The following ADGRB3 variants were observed in gnomAD, a reference collection of about 807,000 sequenced individuals.
ADGRB3 encodes the protein brain-specific angiogenesis inhibitor 3.
Under a neutral mutation model 193.4 loss-of-function variants are expected in ADGRB3, and 37 were observed. That is an observed-to-expected ratio of 0.19 (90% confidence interval 0.15 to 0.25). The LOEUF (loss-of-function observed/expected upper bound fraction) is 0.25. Among genes scored for constraint, ADGRB3 ranks in the 10% least tolerant of loss-of-function variants. The pLI is 1.00. For missense variants in ADGRB3, 1,637 were observed against 1,852.9 expected, an observed-to-expected ratio of 0.88 and a Z score of 2.14; for synonymous variants, 690 against 644.2, an observed-to-expected ratio of 1.07 and a Z score of -1.08.
intron 3 of ADGRB3, among the ~76,000 whole-genome samples, chr6:68,650,235 A>C (rs949336882): frequency 6.6e-6 from 1 of 152,224 alleles, no homozygotes; most frequent in Non-Finnish European, 1.5e-5. Context: ...CAGAGAAATA[A>C]ATAACAATGA....
intron 3 of ADGRB3, among the ~76,000 whole-genome samples, chr6:68,675,090 T>C (rs992149964): frequency 2.0e-5 from 3 of 152,146 alleles, no homozygotes; most frequent in South Asian, 4.1e-4. Flanking sequence ...AGTCCTAACA[T>C]TGATGCAGTT....
In ADGRB3 at chr6:69,018,377, G is replaced by T; in HGVS notation, c.1999-14G>T. 1 of 1,531,332 alleles carries T rather than the reference G, an allele frequency of 6.5e-7. No individual in the cohort carries two copies. The highest frequency in any genetic ancestry group is 2.3e-5 in the East Asian group (1 of 44,190). The allele number at this position is 1,531,332 out of a possible 1,614,324, so 94.9% of individuals were successfully genotyped here. On this transcript the variant is annotated splice_polypyrimidine_tract_variant and intron_variant, in intron 12 of 31. Coordinates refer to ENST00000370598, the MANE Select transcript of ADGRB3 (RefSeq NM_001704.3). ...AGATTTTTTATTCCTTCTAACCTTT[G>T]CTTATTTTTCTAGATTTATCCAGGG... is the stretch of plus-strand genomic sequence containing the variant.
intron 3 of ADGRB3, among the ~76,000 whole-genome samples, chr6:68,679,461 T>C (rs560733903): frequency 3.9e-4 from 59 of 152,244 alleles, no homozygotes; most frequent in African/African-American, 1.4e-3. Flanking sequence ...GCTCACAATT[T>C]CATTGGCAAA....
chr6:68,718,573 C>T (rs1026471636), intron 3 of ADGRB3, among the ~76,000 whole-genome samples: 2 of 151,714 alleles, frequency 1.3e-5, no homozygotes, highest in African/African-American at 2.4e-5. Context: ...ATTCCCTTCT[C>T]TCCATATTTA....
intron 15 of ADGRB3, among the ~76,000 whole-genome samples, chr6:69,060,249 T>C (rs867148641): frequency 1.4e-5 from 2 of 145,408 alleles, no homozygotes; most frequent in Non-Finnish European, 1.5e-5. Flanking sequence ...TCTCTCTCTC[T>C]CCTCCTCTGT....
chr6:68,960,475 C>G (rs1480773686), intron 8 of ADGRB3, among the ~76,000 whole-genome samples: 1 of 152,008 alleles, frequency 6.6e-6, no homozygotes, highest in African/African-American at 2.4e-5. Flanking sequence ...GGATTTGGTG[C>G]CCTATAATAT....
At chr6:69,001,471 G>C (rs577701241) in intron 11 of ADGRB3, among the ~76,000 whole-genome samples, 1 of 152,262 alleles carries the variant, frequency 6.6e-6, no homozygotes, top group East Asian at 1.9e-4. Flanking sequence ...GGTCTGAAAA[G>C]GTAAATAACA....
At chr6:69,378,023 A>G (rs1769868078) in intron 30 of ADGRB3, among the ~76,000 whole-genome samples, 1 of 152,068 alleles carries the variant, frequency 6.6e-6, no homozygotes, top group African/African-American at 2.4e-5. Flanking sequence ...TCCCTGGCCT[A>G]TATGTCTATG....
chr6:68,957,576 T>C (rs972412480), intron 8 of ADGRB3, among the ~76,000 whole-genome samples: 1 of 152,180 alleles, frequency 6.6e-6, no homozygotes, highest in African/African-American at 2.4e-5. Context: ...AAGACCCACT[T>C]AGAATCCTGT....
rs527908040 is a variant in ADGRB3, at chr6:68,692,491, A to T, written c.757+53059A>T. Among the ~76,000 whole-genome samples, 177 of 152,020 alleles carry T rather than the reference A, an allele frequency of 1.2e-3. 7 individuals are homozygous for T. The South Asian group carries it at 0.035, about 30-fold the overall frequency. On this transcript the variant is annotated intron_variant, in intron 3 of 31. Coordinates refer to ENST00000370598, the MANE Select transcript of ADGRB3 (RefSeq NM_001704.3). Reference sequence around the variant, plus strand: ...TTATAATTTTTTCCCTAATTTTAAAAAGTGAGACAATGCATTTAAATTTCT... The same window carrying T: ...TTATAATTTTTTCCCTAATTTTAAATAGTGAGACAATGCATTTAAATTTCT...
At chr6:69,013,965 A>G (rs1031462986) in intron 11 of ADGRB3, 73 bp from the exon 12 acceptor site, 2 of 1,013,240 alleles carry the variant, frequency 2.0e-6, no homozygotes, top group African/African-American at 1.6e-5. Flanking sequence ...CACGTAGTCA[A>G]CCCAAATGGG....
In ADGRB3 at chr6:68,783,017, G is replaced by A. The variant is rs571974720; in HGVS notation, c.757+143585G>A. Among the ~76,000 whole-genome samples, 36 of 151,974 alleles carry A rather than the reference G, an allele frequency of 2.4e-4. No homozygotes were observed. In the South Asian group the frequency reaches 7.1e-3, roughly 30 times the overall value. ...GACCATCATGTAAACAACAACCACTGCCATTATTGCCGCTGCTAATGCTTA... is the reference window on the plus strand; with the variant it reads ...GACCATCATGTAAACAACAACCACTACCATTATTGCCGCTGCTAATGCTTA... On this transcript the variant is annotated intron_variant, in intron 3 of 31. Transcript: ENST00000370598.
intron 15 of ADGRB3, among the ~76,000 whole-genome samples, chr6:69,056,761 G>A (rs62416782): frequency 0.077 from 11,678 of 151,988 alleles, 575 homozygotes; most frequent in African/African-American, 0.13. Flanking sequence ...ATATACATGA[G>A]GATTTATTTC....
rs1052425710 is a variant in ADGRB3 at position 68,813,723 on chromosome 6, C to T, written c.758-116836C>T. Among the ~76,000 whole-genome samples the T allele has an allele frequency of 2.6e-5, 4 of 152,108 alleles. No individual in the cohort carries two copies. In the East Asian group the frequency reaches 5.8e-4, roughly 22 times the overall value. ...CCTCCCCACTCCCCTCATCCCACAACAGGCCCCGGTGTGTGATGTTCCCCT... is the reference window on the plus strand; with the variant it reads ...CCTCCCCACTCCCCTCATCCCACAATAGGCCCCGGTGTGTGATGTTCCCCT... On this transcript the variant is annotated intron_variant, in intron 3 of 31. Coordinates refer to ENST00000370598, the MANE Select transcript of ADGRB3 (RefSeq NM_001704.3).
At chr6:68,660,608 G>T (rs893259766) in intron 3 of ADGRB3, among the ~76,000 whole-genome samples, 2 of 150,752 alleles carry the variant, frequency 1.3e-5, no homozygotes, top group South Asian at 2.1e-4. Flanking sequence ...TATATTGTAG[G>T]CTTATTTAAT....
intron 21 of ADGRB3, among the ~76,000 whole-genome samples, chr6:69,326,311 AC>A (rs1344527667): frequency 3.3e-5 from 5 of 152,202 alleles, no homozygotes; most frequent in Non-Finnish European, 1.5e-5. Flanking sequence ...AAATTTCCTG[AC>A]AAAGGCCTTC....
chr6:68,817,456 G>A (rs1767659854), intron 3 of ADGRB3, among the ~76,000 whole-genome samples: 1 of 148,128 alleles, frequency 6.8e-6, no homozygotes, highest in Non-Finnish European at 1.5e-5. Flanking sequence ...TCACATCTAA[G>A]CACTCTTTAC....
rs1428472237 is a variant in ADGRB3 at position 68,936,813 on chromosome 6, A to T, written c.1030+133A>T. 3 of 1,000,020 alleles carry T rather than the reference A, an allele frequency of 3.0e-6. No individual in the cohort carries two copies. In the Admixed American group the frequency reaches 9.9e-5, roughly 33 times the overall value. 61.9% of individuals were successfully genotyped at this position (1,000,020 alleles called of 1,614,324 possible). A position where few individuals can be genotyped will look rare whatever the true frequency, so the allele number is the denominator to read the frequency against. Reference sequence around the variant, plus strand: ...GAGTGGATAAGTGTAATTATTATTCAACTGTAATATTTTAAGATGTCTGTG... The same window carrying T: ...GAGTGGATAAGTGTAATTATTATTCTACTGTAATATTTTAAGATGTCTGTG... On this transcript the variant is annotated intron_variant, in intron 5 of 31. Coordinates refer to ENST00000370598, the MANE Select transcript of ADGRB3 (RefSeq NM_001704.3).
chr6:69,270,111 T>G (rs1767141041), intron 20 of ADGRB3, among the ~76,000 whole-genome samples: 1 of 152,176 alleles, frequency 6.6e-6, no homozygotes. Context: ...ATGAGCATGG[T>G]TTCTCCACTA....
Sources: gnomAD v4.1 joint callset for allele counts (sites outside exome capture counted in the v4.1 genomes callset) on GRCh38, gnomAD v4.1.1 for gene constraint, MANE v1.5 for transcripts, NCBI Gene and HGNC (gene_info 2026-07-23, HGNC 2026-07-21) for gene names.